Variants in VTI1A observed in about 807,000 individuals in gnomAD.
VTI1A encodes the protein vesicle transport through interaction with t-SNAREs 1A.
In VTI1A, 22 loss-of-function variants were observed where a neutral mutation model predicts 34.9. The ratio of observed to expected loss-of-function variants is 0.63; its 90% CI spans 0.45 to 0.90. VTI1A has a LOEUF of 0.90. VTI1A is among the 40% of genes least tolerant of loss of function. VTI1A has a pLI of 0.00. For synonymous variants in VTI1A, 87 were observed against 97.3 expected (o/e 0.89, Z 0.62); for missense variants, 268 against 275.6 (o/e 0.97, Z 0.20).
chr10:112,589,483 G>A (rs553220884), intron 5 of VTI1A, among the ~76,000 whole-genome samples: 5 of 152,228 alleles, frequency 3.3e-5, no homozygotes, highest in Admixed American at 2.0e-4. Flanking sequence ...TCTTTCTTTT[G>A]TAAATTGCCC....
intron 7 of VTI1A, among the ~76,000 whole-genome samples, chr10:112,703,566 C>CAA (rs918470633): frequency 7.0e-6 from 1 of 143,682 alleles, no homozygotes; most frequent in African/African-American, 2.6e-5. Flanking sequence ...AACTCTGTCT[C>CAA]AAAAAAAAAA....
At chr10:112,807,376 A>C (rs1853123672) in intron 7 of VTI1A, among the ~76,000 whole-genome samples, 1 of 152,174 alleles carries the variant, frequency 6.6e-6, no homozygotes, top group Non-Finnish European at 1.5e-5. Context: ...TGCTCTCTCC[A>C]AAAGTGTAAG....
intron 7 of VTI1A, among the ~76,000 whole-genome samples, chr10:112,777,326 G>A (rs1388787936): frequency 6.6e-6 from 1 of 152,126 alleles, no homozygotes; most frequent in Non-Finnish European, 1.5e-5. Flanking sequence ...ACTGTGGTGG[G>A]GGTGGATTTC....
intron 7 of VTI1A, among the ~76,000 whole-genome samples, chr10:112,784,766 T>C (rs1852233972): frequency 6.6e-6 from 1 of 152,204 alleles, no homozygotes; most frequent in Non-Finnish European, 1.5e-5. Flanking sequence ...ACTTCCCCTG[T>C]TTTAAGGCAT....
intron 5 of VTI1A, among the ~76,000 whole-genome samples, chr10:112,539,779 A>G (rs941352430): frequency 9.2e-5 from 14 of 152,314 alleles, no homozygotes; most frequent in African/African-American, 3.4e-4. Flanking sequence ...TGGTACATGT[A>G]AAAATGTTTT....
At chr10:112,637,637 T>G (rs1846408226) in intron 5 of VTI1A, among the ~76,000 whole-genome samples, 1 of 151,890 alleles carries the variant, frequency 6.6e-6, no homozygotes, top group Non-Finnish European at 1.5e-5. Context: ...GTAGCCTGGG[T>G]GACAGGGTGA....
chr10:112,520,631 G>C (rs922963790), intron 3 of VTI1A, among the ~76,000 whole-genome samples: 1 of 117,720 alleles, frequency 8.5e-6, no homozygotes, highest in Non-Finnish European at 1.8e-5. Flanking sequence ...ATGTGTGTGT[G>C]TGTGTGTGTG....
At chr10:112,796,173 C>T (rs533135356) in intron 7 of VTI1A, among the ~76,000 whole-genome samples, 7 of 152,140 alleles carry the variant, frequency 4.6e-5, no homozygotes, top group Non-Finnish European at 1.0e-4. Flanking sequence ...CCAAGGTGGG[C>T]AGATCACCTG....
At chr10:112,504,230 C>A (rs552204610) in intron 3 of VTI1A, among the ~76,000 whole-genome samples, 1 of 152,284 alleles carries the variant, frequency 6.6e-6, no homozygotes, top group African/African-American at 2.4e-5. Flanking sequence ...CCTTCCACTT[C>A]TATTCCCTAT....
At chr10:112,691,569 G>A (rs1235579385) in intron 7 of VTI1A, among the ~76,000 whole-genome samples, 3 of 152,182 alleles carry the variant, frequency 2.0e-5, no homozygotes, top group African/African-American at 4.8e-5. Context: ...TGAGGGCTAT[G>A]CCTGTATCAC....
In VTI1A at chr10:112,720,234, A is replaced by G. The variant is rs550260970; in HGVS notation, c.560+51236A>G. Among the ~76,000 whole-genome samples, 6 of 152,348 alleles carry G rather than the reference A, an allele frequency of 3.9e-5. No individual in the cohort carries two copies. The South Asian group carries it at 1.2e-3, about 32-fold the overall frequency. ...TTCTCCTTGCTGCCTACTTAGGAGT[A>G]GAATTGCTGGGTCATGTGGTAACTT... On this transcript the variant is annotated intron_variant, in intron 7 of 7. Transcript: ENST00000393077.
intron 3 of VTI1A, among the ~76,000 whole-genome samples, chr10:112,467,465 TA>T (rs902177654): frequency 7.4e-4 from 109 of 147,004 alleles, no homozygotes; most frequent in South Asian, 1.5e-3. Flanking sequence ...GCTGATGAGC[TA>T]AAAAAAAAAA....
At chr10:112,689,314 A>G (rs904149365) in intron 7 of VTI1A, among the ~76,000 whole-genome samples, 2 of 152,144 alleles carry the variant, frequency 1.3e-5, no homozygotes, top group Admixed American at 6.5e-5. Context: ...TGGAAATGTC[A>G]TCAGTAACAG....
the VTI1A span, chr10:112,826,443 A>G: frequency 3.3e-5 from 5 of 152,338 alleles, no homozygotes; most frequent in Admixed American, 2.6e-4. Flanking sequence ...AAGCAGCCCC[A>G]TCAATACAGA....
chr10:112,826,070 C>T, the VTI1A span: 2 of 152,194 alleles, frequency 1.3e-5, no homozygotes, highest in African/African-American at 4.8e-5. Flanking sequence ...AGGGGCCCCA[C>T]ATTTTCGTTT....
At chr10:112,820,047 G>T (rs756614399), downstream of VTI1A, among the ~76,000 whole-genome samples, 5 of 152,204 alleles carry the variant, frequency 3.3e-5, no homozygotes, top group Non-Finnish European at 7.3e-5. Flanking sequence ...TCCTGCAGGA[G>T]CCACGGCGTG....
chr10:112,607,660 AT>A (rs1845134488), intron 5 of VTI1A, among the ~76,000 whole-genome samples: 1 of 152,208 alleles, frequency 6.6e-6, no homozygotes, highest in Admixed American at 6.5e-5. Flanking sequence ...TCTTTGGGTC[AT>A]GGATTCTTGA....
At chr10:112,461,904 G>T (rs76115277) in intron 2 of VTI1A, among the ~76,000 whole-genome samples, 2,287 of 152,282 alleles carry the variant, frequency 0.015, 55 homozygotes, top group African/African-American at 0.052. Flanking sequence ...TTTGTAGAGA[G>T]GGGGTTTTGT....
chr10:112,656,396 T>C (rs1220420579), intron 5 of VTI1A, among the ~76,000 whole-genome samples: 2 of 151,896 alleles, frequency 1.3e-5, no homozygotes, highest in African/African-American at 4.8e-5. Flanking sequence ...CCTTTTTTTT[T>C]TTTTTTTTTT....
Sources: allele counts gnomAD v4.1 joint callset (sites outside exome capture counted in the v4.1 genomes callset), GRCh38; gene constraint gnomAD v4.1.1; transcripts MANE v1.5; gene names NCBI Gene and HGNC (gene_info 2026-07-23, HGNC 2026-07-21).